The following SMS variants were observed in gnomAD, a reference collection of about 807,000 sequenced individuals.
SMS encodes the protein spermine synthase, also known as spermidine aminopropyltransferase.
Under a neutral mutation model 33.0 loss-of-function variants are expected in SMS, and 3 were observed. The observed-to-expected ratio is 0.09, with a 90% CI of 0.04 to 0.23. The LOEUF (loss-of-function observed/expected upper bound fraction) is 0.23. Among genes scored for constraint, SMS ranks in the 10% least tolerant of loss-of-function variants. The probability of loss-of-function intolerance (pLI) is 1.00; values close to 1 mark genes in which losing one functional copy is unlikely to be tolerated. For missense variants in SMS, 117 were observed against 288.6 expected (o/e 0.41, Z 4.31); for synonymous variants, 103 against 112.2 (o/e 0.92, Z 0.52).
intron 1 of SMS, among the ~76,000 whole-genome samples, chrX:21,942,458 G>C (rs962034781): frequency 3.0e-4 from 34 of 112,029 alleles, no homozygotes; most frequent in African/African-American, 1.1e-3. Context: ...TACTCTTAAG[G>C]GGGTAGCTGT....
chrX:21,981,474 G>GTC (rs1924940847), intron 7 of SMS, among the ~76,000 whole-genome samples: 1 of 111,856 alleles, frequency 8.9e-6, no homozygotes, highest in Non-Finnish European at 1.9e-5. Flanking sequence ...AAGAATCATA[G>GTC]TGTGAAGCGA....
rs763441856 is a variant in SMS at position 21,991,055 on chromosome X, C to G, written c.946-1542C>G. ...CTCAGAATAGTTCTAACCTCTTGCC[C>G]GTGACTAGCTGGCTGGTTGGTTTTG... On this transcript the variant is annotated intron_variant, in intron 9 of 10. Coordinates refer to ENST00000404933, the MANE Select transcript of SMS (RefSeq NM_004595.5). Among the ~76,000 whole-genome samples the G allele has an allele frequency of 8.9e-5, 10 of 112,552 alleles. No individual in the cohort carries two copies. In the South Asian group the frequency reaches 2.9e-3, roughly 32 times the overall value.
intron 1 of SMS, among the ~76,000 whole-genome samples, chrX:21,955,230 T>C (rs1922896955): frequency 1.8e-5 from 2 of 112,613 alleles, no homozygotes; most frequent in Non-Finnish European, 3.8e-5. Context: ...ATGATAGTGC[T>C]ACAGTGCTCA....
intron 1 of SMS, among the ~76,000 whole-genome samples, chrX:21,961,034 CTTTTT>C (rs773159264): frequency 2.4e-5 from 1 of 41,728 alleles, no homozygotes; most frequent in Admixed American, 3.2e-4. Flanking sequence ...ATATGCATGT[CTTTTT>C]TTTTTTTTTT....
intron 1 of SMS, among the ~76,000 whole-genome samples, chrX:21,943,629 G>A (rs756085960): frequency 1.0e-4 from 11 of 109,978 alleles, no homozygotes; most frequent in Non-Finnish European, 2.1e-4. Context: ...ACTATTACGT[G>A]TGTGTGGGGG....
chrX:21,985,281 T>C lies in SMS; in HGVS notation c.945+58T>C, dbSNP rs752688019. On this transcript the variant is annotated intron_variant, in intron 9 of 10. Coordinates refer to ENST00000404933, the MANE Select transcript of SMS (RefSeq NM_004595.5). Reference sequence around the variant, plus strand: ...GCTCTAAGACTTTCCTGTTTTGAAATCTGAATGCACATTTTTGAAATGTAT... The same window carrying C: ...GCTCTAAGACTTTCCTGTTTTGAAACCTGAATGCACATTTTTGAAATGTAT... 38 of 700,278 alleles carry C rather than the reference T, an allele frequency of 5.4e-5. No individual in the cohort carries two copies. The African/African-American group carries it at 7.5e-4, about 14-fold the overall frequency. 57.7% of individuals were successfully genotyped at this position (700,278 alleles called of 1,213,427 possible).
intron 1 of SMS, 51 bp downstream of exon 1, chrX:21,940,924 CTGGCGG>C (rs1921708171): frequency 1.1e-6 from 1 of 887,642 alleles, no homozygotes; most frequent in African/African-American, 2.1e-5. Flanking sequence ...CTCCCGCCGC[CTGGCGG>C]GCTGGGGCGG....
chrX:21,978,926 G>A lies in SMS; in HGVS notation c.710G>A (p.Cys237Tyr). 8.3e-7 allele frequency: 1 copy of A among 1,205,839 alleles called. No individual in the cohort carries two copies. Among genetic ancestry groups the A allele is most frequent in the Non-Finnish European group, 1.1e-6 (1 of 890,019 alleles). Residue 237 changes from cysteine (C) to tyrosine (Y), a missense_variant, in exon 7 of 11, where the codon TGT becomes TAT. Physicochemically the swap from Cys to Tyr is radical, Grantham distance 194. Around this residue, in one of 3 missense-constraint regions of SMS, gnomAD observed 69 missense variants for 203.8 expected, o/e 0.34. Transcript: ENST00000404933. Reference sequence around the variant, plus strand: ...TGTAAGAAATACATGCGAAAAACGTGTGGCGATGTCTTAGACAATCTTAAA... The same window carrying A: ...TGTAAGAAATACATGCGAAAAACGTATGGCGATGTCTTAGACAATCTTAAA... ...DGCKKYMRKT[C>Y]GDVLDNLKGD...
At chrX:21,945,335 G>A (rs1234842961) in intron 1 of SMS, among the ~76,000 whole-genome samples, 8 of 112,075 alleles carry the variant, frequency 7.1e-5, no homozygotes, top group African/African-American at 2.6e-4. Flanking sequence ...GGCAGATACT[G>A]TTAGGTCTGT....
intron 1 of SMS, among the ~76,000 whole-genome samples, chrX:21,960,903 AT>A (rs1569344985): frequency 1.8e-5 from 2 of 110,033 alleles, no homozygotes; most frequent in Non-Finnish European, 1.9e-5. Context: ...TTTTTTTGTT[AT>A]TGTTTTTTGT....
rs759093983 is a variant in SMS, at chrX:21,978,804, T to C, written c.661-73T>C. On this transcript the variant is annotated intron_variant, in intron 6 of 10. Coordinates refer to ENST00000404933, the MANE Select transcript of SMS (RefSeq NM_004595.5). ...AGTATTATAAAACCTTTGTTTGTCT[T>C]AATCCTTTCTTTAAAGTATTACTAT... 30 of 736,401 alleles carry C rather than the reference T, an allele frequency of 4.1e-5. No homozygotes were observed. In the Admixed American group the frequency reaches 5.8e-4, roughly 14 times the overall value. 60.7% of individuals were successfully genotyped at this position (736,401 alleles called of 1,213,427 possible).
intron 4 of SMS, among the ~76,000 whole-genome samples, chrX:21,973,339 A>G (rs1350346109): frequency 1.8e-5 from 2 of 112,448 alleles, no homozygotes; most frequent in African/African-American, 6.5e-5. Context: ...CAGGAGGCTG[A>G]GGCAGGAGAA....
chrX:21,986,372 A>T lies in SMS; in HGVS notation c.945+1149A>T, dbSNP rs924774022. Among the ~76,000 whole-genome samples the T allele has an allele frequency of 2.9e-5, 3 of 101,949 alleles. No individual in the cohort carries two copies. The South Asian group carries it at 1.3e-3, about 43-fold the overall frequency. 88.5% of individuals were successfully genotyped at this position (101,949 alleles called of 115,157 possible). A position where few individuals can be genotyped will look rare whatever the true frequency, so the allele number is the denominator to read the frequency against. ...CAAAAAAAAAAAAAAAAAAAAAAAA[A>T]AAAGTCAGGAACAGGTAGAGGTTTT... On this transcript the variant is annotated intron_variant, in intron 9 of 10. Transcript: ENST00000404933.
At chrX:21,960,389 T>A (rs181846402) in intron 1 of SMS, among the ~76,000 whole-genome samples, 1 of 84,407 alleles carries the variant, frequency 1.2e-5, no homozygotes, top group African/African-American at 5.9e-5. Flanking sequence ...TGAATGTAAA[T>A]CTTCTGTTCC....
At chrX:21,973,041 C>T (rs1195960658) in intron 4 of SMS, among the ~76,000 whole-genome samples, 1 of 111,123 alleles carries the variant, frequency 9.0e-6, no homozygotes, top group Non-Finnish European at 1.9e-5. Flanking sequence ...AACTACTGGG[C>T]CCCTCACACC....
At chrX:21,972,357 G>A (rs888983973) in intron 3 of SMS, 150 bp from the exon 4 acceptor site, 32 of 494,257 alleles carry the variant, frequency 6.5e-5, no homozygotes, top group Non-Finnish European at 1.1e-4. Context: ...AGTGGAATTG[G>A]GCCAGGCGTC....
intron 1 of SMS, among the ~76,000 whole-genome samples, chrX:21,949,348 C>T (rs1245742030): frequency 8.9e-6 from 1 of 112,091 alleles, no homozygotes; most frequent in Non-Finnish European, 1.9e-5. Context: ...ACACTAATTG[C>T]AATACTTAGG....
intron 4 of SMS, 47 bp from the exon 5 acceptor site, chrX:21,977,014 A>G (rs368835468): frequency 5.4e-4 from 607 of 1,125,499 alleles, no homozygotes; most frequent in Middle Eastern, 5.3e-3. Context: ...CTCCACTTGT[A>G]AGGCAGTGTT....
rs181967013 is a variant in SMS, at chrX:21,973,505, A to G, written c.329+934A>G. ...GAGAAAAGGTCACTTTTTCTCCTTC[A>G]GGCTCTAGGCCCCAGAGTGAAGTTA... On this transcript the variant is annotated intron_variant, in intron 4 of 10. Transcript: ENST00000404933. 3.0e-3 allele frequency among the ~76,000 whole-genome samples: 343 copies of G among 113,072 alleles called. 1 individual carries two copies. The highest frequency in any genetic ancestry group is 0.01 in the African/African-American group (317 of 31,193).
Sources: allele counts gnomAD v4.1 joint callset (sites outside exome capture counted in the v4.1 genomes callset), GRCh38; gene constraint gnomAD v4.1.1; regional missense constraint gnomAD v4.1.1; transcripts MANE v1.5; gene names NCBI Gene and HGNC (gene_info 2026-07-23, HGNC 2026-07-21).